The following MPDZ variants were observed in gnomAD, a reference collection of about 807,000 sequenced individuals.
MPDZ encodes multiple PDZ domain protein.
Under a neutral mutation model 239.1 loss-of-function variants are expected in MPDZ, and 234 were observed. The ratio of observed to expected loss-of-function variants is 0.98; its 90% CI spans 0.88 to 1.09. MPDZ has a LOEUF of 1.09. MPDZ is among the 50% of genes least tolerant of loss of function. The pLI is 0.00. For missense variants in MPDZ, 3,175 were observed against 2,510.0 expected (o/e 1.26, Z -5.66); for synonymous variants, 1,048 against 881.3 (o/e 1.19, Z -3.35).
chr9:13,193,340 A>C, intron 13 of MPDZ, 27 bp from the exon 14 acceptor site: 1 of 1,568,892 alleles, frequency 6.4e-7, no homozygotes, highest in Non-Finnish European at 8.6e-7. Context: ...AAAGATCACC[A>C]CAATTTTTAT....
rs768024665 is a variant in MPDZ at position 13,222,421 on chromosome 9, G to C, written c.559C>G (p.Gln187Glu). Residue 187 changes from glutamine (Q) to glutamate (E), a missense_variant, in exon 6 of 47, where the codon CAA (glutamine) becomes GAA (glutamate). Transcript: ENST00000319217. ...GCCTGTCCATTGATAGCAAGAATTT[G>C]ATCAGTTTCTTTCAATCTTCCATCT... Reference protein sequence around the residue: ...HRDGRLKETDQILAINGQALD... With the variant: ...HRDGRLKETDEILAINGQALD... The C allele has an allele frequency of 1.2e-6, 2 of 1,612,136 alleles. No homozygotes were observed. The highest frequency in any genetic ancestry group is 1.7e-6 in the Non-Finnish European group (2 of 1,179,066).
chr9:13,251,692 G>T (rs900163304), intron 1 of MPDZ, among the ~76,000 whole-genome samples: 2 of 152,204 alleles, frequency 1.3e-5, no homozygotes, highest in African/African-American at 4.8e-5. Context: ...AGGGAAGTAT[G>T]TGATGTAGAT....
At chr9:13,178,813 G>T (rs1431487782) in intron 19 of MPDZ, among the ~76,000 whole-genome samples, 1 of 152,130 alleles carries the variant, frequency 6.6e-6, no homozygotes, top group Non-Finnish European at 1.5e-5. Flanking sequence ...ATTTTGTCGT[G>T]CAGAAGTTAA....
At chr9:13,268,169 T>C (rs898903159) in intron 1 of MPDZ, among the ~76,000 whole-genome samples, 130 of 150,946 alleles carry the variant, frequency 8.6e-4, no homozygotes, top group Middle Eastern at 3.5e-3. Context: ...TATATATATA[T>C]ACACACATAG....
chr9:13,147,448 T>A, intron 26 of MPDZ, 100 bp downstream of exon 26: 1 of 835,442 alleles, frequency 1.2e-6, no homozygotes, highest in Non-Finnish European at 2.0e-6. Flanking sequence ...ATTTGAAAAA[T>A]CACTATCTTT....
intron 1 of MPDZ, among the ~76,000 whole-genome samples, chr9:13,254,159 T>C (rs1319000904): frequency 6.6e-6 from 1 of 152,110 alleles, no homozygotes; most frequent in Non-Finnish European, 1.5e-5. Flanking sequence ...ATGAATAAAG[T>C]CTGAAATGGA....
chr9:13,117,794 T>C (rs865815359), intron 39 of MPDZ, among the ~76,000 whole-genome samples: 79 of 151,876 alleles, frequency 5.2e-4, no homozygotes, highest in African/African-American at 1.7e-3. Context: ...ACAACAAACA[T>C]GTAAGTTATA....
chr9:13,173,836 A>T (rs1952110510), intron 21 of MPDZ, among the ~76,000 whole-genome samples: 1 of 152,082 alleles, frequency 6.6e-6, no homozygotes, highest in African/African-American at 2.4e-5. Flanking sequence ...TTAAAACACA[A>T]ATCTGCTCAT....
chr9:13,186,293 G>C lies in MPDZ; in HGVS notation c.2458C>G (p.Leu820Val), dbSNP rs73647114. The C allele has an allele frequency of 9.3e-4, 1,475 of 1,591,734 alleles. 11 individuals carry two copies. In the African/African-American group the frequency reaches 0.014, roughly 15 times the overall value. ...CEEAGLADKP[L>V]FRADLALVGT... is the part of the protein sequence containing the mutation. The stretch of plus-strand genomic sequence containing the variant: ...ACCAGAGCCAAGTCAGCCCTGAAGA[G>C]GGGTTTGTCAGCCAGCCCTGCTTCC... Residue 820 changes from leucine (L) to valine (V), a missense_variant, in exon 18 of 47, where the codon CTC becomes GTC. Physicochemically the swap from Leu to Val is conservative, Grantham distance 32. Coordinates refer to ENST00000319217, the MANE Select transcript of MPDZ (RefSeq NM_001378778.1).
chr9:13,138,783 G>A (rs982073791), intron 28 of MPDZ, among the ~76,000 whole-genome samples: 11 of 152,254 alleles, frequency 7.2e-5, no homozygotes, highest in African/African-American at 1.4e-4. Context: ...GAGGGCTGAC[G>A]CCTCACGCAG....
chr9:13,160,202 C>T (rs370730779), intron 23 of MPDZ, among the ~76,000 whole-genome samples: 5 of 152,284 alleles, frequency 3.3e-5, no homozygotes, highest in Middle Eastern at 6.8e-3. Flanking sequence ...TCCTTCCTTG[C>T]TTCCAATGGT....
At position 13,183,497 on chromosome 9, in the gene MPDZ, G is replaced by C. The variant is rs201709530; in HGVS notation, c.2570C>G (p.Ala857Gly). 3.3e-5 allele frequency: 53 copies of C among 1,612,276 alleles called. No individual in the cohort carries two copies. The South Asian group carries it at 4.4e-4, about 13-fold the overall frequency. Residue 857 changes from alanine to glycine, a missense_variant, in exon 19 of 47, where the codon GCC becomes GGC. Coordinates refer to ENST00000319217, the MANE Select transcript of MPDZ (RefSeq NM_001378778.1). ...PENDSIYSTQ[A>G]SILSLHGSSC... is the part of the protein sequence containing the mutation. Reference sequence around the variant, plus strand: ...ACTGCCATGAAGAGATAAAATAGAGGCTTGAGTAGAGTAGATGCTGTCATT... The same window carrying C: ...ACTGCCATGAAGAGATAAAATAGAGCCTTGAGTAGAGTAGATGCTGTCATT...
At chr9:13,276,463 T>C (rs767730461) in intron 1 of MPDZ, 22 of 152,328 alleles carry the variant, frequency 1.4e-4, no homozygotes, top group Non-Finnish European at 2.4e-4. Context: ...GTTATAAATA[T>C]GGGGTTGATA....
At chr9:13,153,821 T>TA (rs1563917656) in intron 24 of MPDZ, among the ~76,000 whole-genome samples, 1 of 151,968 alleles carries the variant, frequency 6.6e-6, no homozygotes, top group East Asian at 1.9e-4. Flanking sequence ...TAAAATAAAA[T>TA]AAAAAAGAAA....
intron 39 of MPDZ, among the ~76,000 whole-genome samples, chr9:13,116,324 T>C (rs13301817): frequency 0.041 from 6,267 of 152,276 alleles, 185 homozygotes; most frequent in Middle Eastern, 0.13. Context: ...ATAAATCTTT[T>C]ACTCTGAATT....
chr9:13,255,323 A>G (rs929818207), intron 1 of MPDZ, among the ~76,000 whole-genome samples: 2 of 152,194 alleles, frequency 1.3e-5, no homozygotes, highest in African/African-American at 4.8e-5. Flanking sequence ...GTTATTCATA[A>G]GAGTTTCAGA....
chr9:13,131,951 A>C (rs576044770), intron 32 of MPDZ, among the ~76,000 whole-genome samples: 1 of 152,140 alleles, frequency 6.6e-6, no homozygotes, highest in African/African-American at 2.4e-5. Context: ...ATCATGGTTA[A>C]TTGCCTCTTC....
At chr9:13,176,023 A>G in intron 20 of MPDZ, 113 bp downstream of exon 20, 1 of 1,428,996 alleles carries the variant, frequency 7.0e-7, no homozygotes, top group Non-Finnish European at 9.3e-7. Context: ...TTGCCTTCTG[A>G]AAATCTTAGT....
At chr9:13,148,113 T>G (rs368473319) in intron 25 of MPDZ, among the ~76,000 whole-genome samples, 2 of 152,020 alleles carry the variant, frequency 1.3e-5, no homozygotes, top group East Asian at 3.9e-4. Context: ...AAGCTTGAAG[T>G]TCAAAACAAA....
Sources: gnomAD v4.1 joint callset for allele counts (sites outside exome capture counted in the v4.1 genomes callset) on GRCh38, gnomAD v4.1.1 for gene constraint, MANE v1.5 for transcripts, NCBI Gene and HGNC (gene_info 2026-07-23, HGNC 2026-07-21) for gene names.